The following KCNQ5 variants were observed in gnomAD, a reference collection of about 807,000 sequenced individuals.
KCNQ5 encodes the protein potassium voltage-gated channel subfamily KQT member 5.
A neutral mutation model predicts 98.2 loss-of-function variants in KCNQ5; 30 were observed. That is an observed-to-expected ratio of 0.31 (90% CI 0.23 to 0.41). The LOEUF (loss-of-function observed/expected upper bound fraction) is 0.41. Among genes scored for constraint, KCNQ5 ranks in the 10% least tolerant of loss-of-function variants. KCNQ5 has a pLI of 1.00. For synonymous variants in KCNQ5, 458 were observed against 449.4 expected, an observed-to-expected ratio of 1.02 and a Z score of -0.24; for missense variants, 835 against 1,182.5, an observed-to-expected ratio of 0.71 and a Z score of 4.31.
At chr6:72,773,028 T>C (rs1358530258) in intron 1 of KCNQ5, among the ~76,000 whole-genome samples, 1 of 152,174 alleles carries the variant, frequency 6.6e-6, no homozygotes, top group Non-Finnish European at 1.5e-5. Context: ...TTATCAGTGT[T>C]GCCCCTTGTA....
intron 3 of KCNQ5, among the ~76,000 whole-genome samples, chr6:73,043,738 TG>T (rs1771826457): frequency 6.6e-6 from 1 of 152,170 alleles, no homozygotes. Flanking sequence ...AATTAAAAAT[TG>T]GTTTTGTTCC....
intron 3 of KCNQ5, among the ~76,000 whole-genome samples, chr6:73,045,262 A>T (rs1322582659): frequency 2.6e-5 from 4 of 152,218 alleles, no homozygotes; most frequent in African/African-American, 7.2e-5. Flanking sequence ...AAACAATTAT[A>T]ACATAAGGGA....
intron 1 of KCNQ5, among the ~76,000 whole-genome samples, chr6:72,708,300 A>G (rs1043560244): frequency 6.6e-6 from 1 of 152,190 alleles, no homozygotes; most frequent in Non-Finnish European, 1.5e-5. Context: ...ATGTATTAAG[A>G]TATGAAATGA....
chr6:72,884,783 A>AT (rs1778787536), intron 1 of KCNQ5, among the ~76,000 whole-genome samples: 1 of 151,844 alleles, frequency 6.6e-6, no homozygotes. Context: ...TTTTTGCCTA[A>AT]TTTTTTGTAT....
At position 72,622,219 on chromosome 6, in the gene KCNQ5, G is replaced by T; in HGVS notation, c.30G>T (p.Glu10Asp). Reference sequence around the variant, plus strand: ...CCCGCCACCACGCGGGAGGAGAGGAGGGCGGCGCCGCCGGGCTCTGGGTGA... The same window carrying T: ...CCCGCCACCACGCGGGAGGAGAGGATGGCGGCGCCGCCGGGCTCTGGGTGA... Reference protein sequence around the residue: MPRHHAGGEEGGAAGLWVKS... With the variant: MPRHHAGGEDGGAAGLWVKS... The change falls in exon 1 of 14, where the codon GAG (glutamate) becomes GAT (aspartate). Residue 10 changes from glutamate to aspartate, a missense_variant. Glu to Asp is a conservative substitution (Grantham distance 45). Around this residue, in one of 10 missense-constraint regions of KCNQ5, gnomAD observed 80 missense variants for 72.3 expected, o/e 1.11. Transcript: ENST00000370398. The surrounding 1 kb of genome is among the most constrained non-coding windows in gnomAD (Gnocchi z 6.0). 8.1e-7 allele frequency: 1 copy of T among 1,234,028 alleles called. No homozygotes were observed. The highest frequency in any genetic ancestry group is 1.0e-6 in the Non-Finnish European group (1 of 990,000). The allele number at this position is 1,234,028 out of a possible 1,614,324, so 76.4% of individuals were successfully genotyped here.
At chr6:73,075,764 C>A (rs946366756) in intron 3 of KCNQ5, among the ~76,000 whole-genome samples, 1 of 152,082 alleles carries the variant, frequency 6.6e-6, no homozygotes, top group Admixed American at 6.5e-5. Flanking sequence ...TCCTTCAGGG[C>A]GGACACCGGT....
chr6:72,671,896 G>T (rs1002113675), intron 1 of KCNQ5, among the ~76,000 whole-genome samples: 6 of 149,712 alleles, frequency 4.0e-5, no homozygotes, highest in African/African-American at 1.5e-4. Flanking sequence ...GGCTCACTGC[G>T]AGCTCCACCT....
chr6:72,724,806 G>C (rs1303355103), intron 1 of KCNQ5, among the ~76,000 whole-genome samples: 1 of 152,146 alleles, frequency 6.6e-6, no homozygotes, highest in African/African-American at 2.4e-5. Context: ...AACAACTCAT[G>C]CTTGTACAAA....
intron 1 of KCNQ5, among the ~76,000 whole-genome samples, chr6:72,975,165 TA>T (rs572845465): frequency 2.1e-3 from 318 of 152,262 alleles, no homozygotes; most frequent in Non-Finnish European, 3.5e-3. Context: ...TAAAATATGT[TA>T]GGTAAAGCCA....
At chr6:72,782,179 T>C (rs999675635) in intron 1 of KCNQ5, among the ~76,000 whole-genome samples, 7 of 152,150 alleles carry the variant, frequency 4.6e-5, no homozygotes, top group African/African-American at 1.7e-4. Flanking sequence ...TGGACATAAA[T>C]GCATTTGAGG....
chr6:72,825,270 T>C (rs1775944384), intron 1 of KCNQ5, among the ~76,000 whole-genome samples: 1 of 152,188 alleles, frequency 6.6e-6, no homozygotes, highest in Non-Finnish European at 1.5e-5. Context: ...TCTGTTCCCC[T>C]TCCCTGATTT....
chr6:73,051,469 A>G (rs138038758), intron 3 of KCNQ5, among the ~76,000 whole-genome samples: 2,344 of 152,222 alleles, frequency 0.015, 23 homozygotes, highest in Non-Finnish European at 0.023. Flanking sequence ...CACCCATCAG[A>G]GTATTGTGGC....
At chr6:73,097,554 C>G (rs1266098264) in intron 5 of KCNQ5, among the ~76,000 whole-genome samples, 1 of 152,128 alleles carries the variant, frequency 6.6e-6, no homozygotes, top group Non-Finnish European at 1.5e-5. Context: ...CCCACTTGAG[C>G]AAGATCTAGT....
intron 1 of KCNQ5, among the ~76,000 whole-genome samples, chr6:72,955,987 C>T (rs1291945287): frequency 6.6e-6 from 1 of 152,050 alleles, no homozygotes; most frequent in Non-Finnish European, 1.5e-5. Flanking sequence ...CTTAAAATAT[C>T]CCAGGTACTA....
intron 7 of KCNQ5, among the ~76,000 whole-genome samples, chr6:73,117,705 T>G (rs1012631009): frequency 6.6e-6 from 1 of 152,224 alleles, no homozygotes; most frequent in Non-Finnish European, 1.5e-5. Flanking sequence ...CTATGGAAAT[T>G]GTTTAATTAA....
chr6:72,983,146 G>A (rs1313670980), intron 1 of KCNQ5, among the ~76,000 whole-genome samples: 1 of 152,104 alleles, frequency 6.6e-6, no homozygotes, highest in Non-Finnish European at 1.5e-5. Flanking sequence ...ACAATTATGT[G>A]TCTTGGGGTT....
intron 1 of KCNQ5, among the ~76,000 whole-genome samples, chr6:73,002,398 C>T (rs1206666202): frequency 6.6e-6 from 1 of 152,140 alleles, no homozygotes; most frequent in Non-Finnish European, 1.5e-5. Context: ...GGAAGAGCTA[C>T]AAATGTTAAT....
At chr6:73,051,517 A>G (rs1772233681) in intron 3 of KCNQ5, among the ~76,000 whole-genome samples, 3 of 152,138 alleles carry the variant, frequency 2.0e-5, no homozygotes, top group African/African-American at 4.8e-5. Context: ...CCACTTTAGC[A>G]GTTTCCTAAC....
Position 73,048,152 on chromosome 6 carries a change from A to G in KCNQ5, c.616+6090A>G, listed in dbSNP as rs1270716798. Among the ~76,000 whole-genome samples the G allele has an allele frequency of 2.0e-5, 3 of 152,238 alleles. No individual in the cohort carries two copies. In the East Asian group the frequency reaches 5.8e-4, roughly 29 times the overall value. ...AAAAACAAGATAATGTCATCTACAGATAAGCACAATGAAGAAAATAAAACA... is the reference window on the plus strand; with the variant it reads ...AAAAACAAGATAATGTCATCTACAGGTAAGCACAATGAAGAAAATAAAACA... On this transcript the variant is annotated intron_variant, in intron 3 of 13. Transcript: ENST00000370398.
Sources: gnomAD v4.1 joint callset for allele counts (sites outside exome capture counted in the v4.1 genomes callset) on GRCh38, gnomAD v4.1.1 for gene constraint, gnomAD v4.1.1 regional missense constraint, Gnocchi (gnomAD v3.1) non-coding constraint, MANE v1.5 for transcripts, NCBI Gene and HGNC (gene_info 2026-07-23, HGNC 2026-07-21) for gene names.